PLCL1: variants seen among roughly 807,000 people sequenced by gnomAD.
PLCL1 encodes the protein phospholipase C like 1 (inactive), also known as inactive phospholipase C-like protein 1.
PLCL1 carries 41 observed loss-of-function variants against 84.4 expected under a neutral mutation model. That is an observed-to-expected ratio of 0.49 (90% confidence interval 0.38 to 0.63). PLCL1 has a LOEUF of 0.63. Ranked by LOEUF, PLCL1 falls within the 30% of genes least tolerant of loss-of-function variation. The pLI, the probability that PLCL1 is intolerant of heterozygous loss-of-function variation, is 0.00. For missense variants in PLCL1, 1,206 were observed against 1,367.8 expected (o/e 0.88, Z 1.87); for synonymous variants, 490 against 488.3 (o/e 1.00, Z -0.05).
chr2:197,999,077 G>T (rs1179424243), intron 1 of PLCL1, among the ~76,000 whole-genome samples: 2 of 152,176 alleles, frequency 1.3e-5, no homozygotes, highest in Non-Finnish European at 2.9e-5. Context: ...GGCAAGGAAA[G>T]ATCACAGAGG....
At chr2:198,027,155 A>G (rs1691288341) in intron 1 of PLCL1, among the ~76,000 whole-genome samples, 1 of 152,232 alleles carries the variant, frequency 6.6e-6, no homozygotes, top group African/African-American at 2.4e-5. Flanking sequence ...GTATATATAC[A>G]CATGGAATAC....
At chr2:197,992,364 A>C (rs1050202452) in intron 1 of PLCL1, among the ~76,000 whole-genome samples, 4 of 152,058 alleles carry the variant, frequency 2.6e-5, no homozygotes, top group Admixed American at 6.5e-5. Context: ...TCATGCGCTC[A>C]GGTGATTCTC....
At chr2:197,928,412 C>T (rs909932376) in intron 1 of PLCL1, among the ~76,000 whole-genome samples, 2 of 152,110 alleles carry the variant, frequency 1.3e-5, no homozygotes, top group African/African-American at 4.8e-5. Context: ...CTCTTGACCC[C>T]ATTATATTTT....
rs956489022 is a variant in PLCL1, at chr2:198,084,282, G to A, written c.765G>A (p.Gly255=). 6 of 1,614,092 alleles carry A rather than the reference G, an allele frequency of 3.7e-6. No individual in the cohort carries two copies. The highest frequency in any genetic ancestry group is 4.2e-6 in the Non-Finnish European group (5 of 1,179,990). ...TGTTTGAAGCAGCAGATGTTGATGG[G>A]AATGGGATTATGTTGGAAGACACCT... ...KTVFEAADVD[G]NGIMLEDTSV... The change falls in exon 2 of 6, where the codon GGG becomes GGA. Residue 255 remains glycine (G), a synonymous_variant. Coordinates refer to ENST00000428675, the MANE Select transcript of PLCL1 (RefSeq NM_006226.4).
chr2:198,058,773 G>A (rs1247796725), intron 1 of PLCL1, among the ~76,000 whole-genome samples: 1 of 151,990 alleles, frequency 6.6e-6, no homozygotes, highest in Non-Finnish European at 1.5e-5. Flanking sequence ...TTAGATTTTA[G>A]TATAAAGACA....
intron 1 of PLCL1, among the ~76,000 whole-genome samples, chr2:197,886,005 G>A (rs1687915961): frequency 6.6e-6 from 1 of 152,150 alleles, no homozygotes; most frequent in East Asian, 1.9e-4. Flanking sequence ...TGAATTTGAA[G>A]ATTAAATCAC....
At chr2:197,808,243 C>T (rs183397866) in intron 1 of PLCL1, among the ~76,000 whole-genome samples, 1 of 152,238 alleles carries the variant, frequency 6.6e-6, no homozygotes, top group South Asian at 2.1e-4. Flanking sequence ...TTATATACCA[C>T]AATAATGCAA....
In PLCL1 at chr2:198,085,011, G is replaced by T; in HGVS notation, c.1494G>T (p.Pro498=). 1.9e-6 allele frequency: 3 copies of T among 1,613,976 alleles called. No homozygotes were observed. Among genetic ancestry groups the T allele is most frequent in the Admixed American group, 1.7e-5 (1 of 59,986 alleles). Residue 498 remains proline (P), a synonymous_variant, in exon 2 of 6, where the codon CCG becomes CCT. Coordinates refer to ENST00000428675, the MANE Select transcript of PLCL1 (RefSeq NM_006226.4). This position sits in a 1 kb window ranked among gnomAD's most constrained non-coding sequence, Gnocchi z 5.3. ...ILCLGNHCSL[P]QQKVMAQQMK... ...GCTTGGGAAATCACTGCTCCTTGCC[G>T]CAGCAGAAGGTAATGGCTCAACAGA...
chr2:198,051,992 C>T (rs773909339), intron 1 of PLCL1, among the ~76,000 whole-genome samples: 18 of 152,138 alleles, frequency 1.2e-4, no homozygotes, highest in Non-Finnish European at 2.6e-4. Flanking sequence ...TCACCACAAC[C>T]TCCGCCTCCT....
At chr2:197,806,848 G>A (rs1690496620) in intron 1 of PLCL1, among the ~76,000 whole-genome samples, 1 of 152,166 alleles carries the variant, frequency 6.6e-6, no homozygotes, top group Admixed American at 6.5e-5. Context: ...GCTCTATAAT[G>A]TTGTAAAAAA....
intron 1 of PLCL1, among the ~76,000 whole-genome samples, chr2:198,056,914 A>G (rs559647439): frequency 6.6e-6 from 1 of 152,310 alleles, no homozygotes; most frequent in South Asian, 2.1e-4. Context: ...ATTTCAATCA[A>G]CGCTATCCAC....
chr2:198,147,481 G>C lies in PLCL1; in HGVS notation c.*519G>C, dbSNP rs1433214419. 1.3e-5 allele frequency: 2 copies of C among 151,946 alleles called. No homozygotes were observed. The highest frequency in any genetic ancestry group is 4.8e-5 in the African/African-American group (2 of 41,310). The allele number at this position is 151,946 out of a possible 1,614,324, so 9.4% of individuals were successfully genotyped here. A position where few individuals can be genotyped will look rare whatever the true frequency, so the allele number is the denominator to read the frequency against. ...AAATTTATCAAAGCATAGATGTTTT[G>C]GTAGATTAAATATAGATTAGAAAAA... is the stretch of plus-strand genomic sequence containing the variant. On this transcript the variant is annotated 3_prime_UTR_variant, in exon 6 of 6. Coordinates refer to ENST00000428675, the MANE Select transcript of PLCL1 (RefSeq NM_006226.4).
chr2:197,929,432 G>T (rs947719689), intron 1 of PLCL1, among the ~76,000 whole-genome samples: 5 of 152,170 alleles, frequency 3.3e-5, no homozygotes, highest in Non-Finnish European at 7.3e-5. Flanking sequence ...GGGCAGGAAG[G>T]CTCCTGCTCT....
At chr2:198,017,988 C>G (rs1691037692) in intron 1 of PLCL1, among the ~76,000 whole-genome samples, 1 of 152,130 alleles carries the variant, frequency 6.6e-6, no homozygotes, top group South Asian at 2.1e-4. Flanking sequence ...CCAGTGAGAC[C>G]AACACAGAAG....
At chr2:198,074,981 A>G (rs1692544432) in intron 1 of PLCL1, among the ~76,000 whole-genome samples, 1 of 152,228 alleles carries the variant, frequency 6.6e-6, no homozygotes, top group Non-Finnish European at 1.5e-5. Context: ...TTTAATCTTT[A>G]TAACAATACA....
intron 1 of PLCL1, among the ~76,000 whole-genome samples, chr2:197,866,125 CTATATATATATATAAACTA>C (rs1687532694): frequency 1.4e-4 from 1 of 7,324 alleles, no homozygotes; most frequent in Non-Finnish European, 2.1e-4. Flanking sequence ...TATATATAAA[CTATATATATATATAAACTA>C]TATATATATA....
At chr2:198,093,814 T>C (rs539714683) in intron 3 of PLCL1, among the ~76,000 whole-genome samples, 5 of 152,302 alleles carry the variant, frequency 3.3e-5, no homozygotes, top group Admixed American at 2.6e-4. Flanking sequence ...GTAGCCTACA[T>C]TTGTTGAAAG....
chr2:197,905,702 C>T (rs1278527791), intron 1 of PLCL1, among the ~76,000 whole-genome samples: 1 of 152,222 alleles, frequency 6.6e-6, no homozygotes, highest in African/African-American at 2.4e-5. Context: ...TAAAAGCGTT[C>T]CTATTTCTCC....
At chr2:197,909,316 T>C (rs1159506967) in intron 1 of PLCL1, among the ~76,000 whole-genome samples, 1 of 151,964 alleles carries the variant, frequency 6.6e-6, no homozygotes, top group Non-Finnish European at 1.5e-5. Flanking sequence ...TCCTGCTTTC[T>C]TTTCTTTTTC....
Sources: allele counts gnomAD v4.1 joint callset (sites outside exome capture counted in the v4.1 genomes callset), GRCh38; gene constraint gnomAD v4.1.1; non-coding constraint Gnocchi (gnomAD v3.1); transcripts MANE v1.5; gene names NCBI Gene and HGNC (gene_info 2026-07-23, HGNC 2026-07-21).